ANO4: variants seen among roughly 807,000 people sequenced by gnomAD.
ANO4 encodes anoctamin 4, also known as anoctamin-4.
ANO4 carries 69 observed loss-of-function variants against 141.9 expected under a neutral mutation model. The ratio of observed to expected loss-of-function variants is 0.49; its 90% CI spans 0.40 to 0.59. The LOEUF (loss-of-function observed/expected upper bound fraction) is 0.59, where lower values mean the gene tolerates loss of function less well. ANO4 is among the 20% of genes least tolerant of loss of function. ANO4 has a pLI of 0.00. For missense variants in ANO4, 894 were observed against 1,162.2 expected, an observed-to-expected ratio of 0.77 and a Z score of 3.36; for synonymous variants, 350 against 394.3, an observed-to-expected ratio of 0.89 and a Z score of 1.33.
intron 26 of ANO4, 24 bp from the exon 27 acceptor site, chr12:101,126,855 C>T (rs376286852): frequency 6.4e-7 from 1 of 1,574,416 alleles, no homozygotes; most frequent in African/African-American, 1.8e-5. Context: ...AGACCTGACG[C>T]TGTTACATTC....
At chr12:100,960,908 T>A (rs1207881087) in intron 5 of ANO4, among the ~76,000 whole-genome samples, 1 of 152,208 alleles carries the variant, frequency 6.6e-6, no homozygotes, top group Non-Finnish European at 1.5e-5. Flanking sequence ...TGATGGTCTG[T>A]AAGAAGTGAA....
In ANO4 at chr12:100,903,802, A is replaced by G. The variant is rs566074534; in HGVS notation, c.55+1962A>G. 6.2e-4 allele frequency among the ~76,000 whole-genome samples: 94 copies of G among 152,230 alleles called. 1 individual carries two copies. Among genetic ancestry groups the G allele is most frequent in the Non-Finnish European group, 1.2e-3 (81 of 68,036 alleles). ...CTCCTTTACATAAAGTCAACTGACT[A>G]TGAACTTTAATTGCATCTACAAAAC... On this transcript the variant is annotated intron_variant, in intron 2 of 27. Coordinates refer to ENST00000392977, the MANE Select transcript of ANO4 (RefSeq NM_001286615.2).
rs1308869806 is a variant in ANO4, at chr12:100,931,071, C to A, written c.161-8244C>A. 3.9e-5 allele frequency among the ~76,000 whole-genome samples: 6 copies of A among 152,156 alleles called. No homozygotes were observed. In the South Asian group the frequency reaches 1.0e-3, roughly 26 times the overall value. ...ATTTTGAGTTTTTAAACTTAAACCTCCTTTTTTCTTATTGGTAAACCAGGC... is the reference window on the plus strand; with the variant it reads ...ATTTTGAGTTTTTAAACTTAAACCTACTTTTTTCTTATTGGTAAACCAGGC... On this transcript the variant is annotated intron_variant, in intron 3 of 27. Coordinates refer to ENST00000392977, the MANE Select transcript of ANO4 (RefSeq NM_001286615.2).
chr12:100,939,488 A>G, intron 4 of ANO4, 37 bp downstream of exon 4: 2 of 1,606,206 alleles, frequency 1.2e-6, no homozygotes, highest in Non-Finnish European at 1.7e-6. Context: ...GTAATTCGTG[A>G]TCCAGGCAGG....
intron 1 of ANO4, among the ~76,000 whole-genome samples, chr12:100,802,069 G>T (rs2034732528): frequency 6.6e-6 from 1 of 152,166 alleles, no homozygotes; most frequent in Admixed American, 6.5e-5. Context: ...GTGAAGCCGG[G>T]AAGTCTAACT....
chr12:100,781,620 G>A (rs1027791646), intron 3 of ANO4, among the ~76,000 whole-genome samples: 12 of 151,654 alleles, frequency 7.9e-5, no homozygotes, highest in African/African-American at 2.9e-4. Flanking sequence ...CTGTTTTTTG[G>A]CCACAACATT....
intron 3 of ANO4, among the ~76,000 whole-genome samples, chr12:100,928,400 T>G (rs1422406410): frequency 6.6e-6 from 1 of 152,160 alleles, no homozygotes; most frequent in African/African-American, 2.4e-5. Flanking sequence ...TTGTCTTTAT[T>G]CCTCAATCAT....
intron 11 of ANO4, among the ~76,000 whole-genome samples, chr12:101,041,179 T>C (rs188011086): frequency 6.6e-6 from 1 of 152,252 alleles, no homozygotes; most frequent in African/African-American, 2.4e-5. Flanking sequence ...TTCACTTAAA[T>C]ACCAGGGCCA....
chr12:100,912,875 G>A (rs904987941), intron 2 of ANO4, among the ~76,000 whole-genome samples: 1 of 152,192 alleles, frequency 6.6e-6, no homozygotes, highest in African/African-American at 2.4e-5. Context: ...TGAATGTGGT[G>A]CCTTTCAGAA....
chr12:101,046,506 A>C (rs2047636916), intron 13 of ANO4, among the ~76,000 whole-genome samples: 1 of 152,158 alleles, frequency 6.6e-6, no homozygotes, highest in African/African-American at 2.4e-5. Flanking sequence ...CACCACCACC[A>C]TCACACACAT....
chr12:100,946,131 A>T (rs946171211), intron 5 of ANO4, among the ~76,000 whole-genome samples: 1 of 152,204 alleles, frequency 6.6e-6, no homozygotes, highest in Non-Finnish European at 1.5e-5. Context: ...TGGTGTGTTC[A>T]TGGAACAGTG....
chr12:100,892,145 A>G (rs990670122), intron 1 of ANO4, among the ~76,000 whole-genome samples: 2 of 151,898 alleles, frequency 1.3e-5, no homozygotes, highest in African/African-American at 4.8e-5. Context: ...TTCTCTGTCA[A>G]TTTTTCCATT....
intron 14 of ANO4, among the ~76,000 whole-genome samples, chr12:101,070,993 G>T (rs1161576348): frequency 1.3e-5 from 2 of 152,126 alleles, no homozygotes; most frequent in African/African-American, 4.8e-5. Context: ...AGTTAAAATG[G>T]TTTTTATCCA....
At chr12:100,777,645 A>G (rs1160227949) in intron 3 of ANO4, among the ~76,000 whole-genome samples, 1 of 152,172 alleles carries the variant, frequency 6.6e-6, no homozygotes, top group African/African-American at 2.4e-5. Flanking sequence ...AAATATGGCA[A>G]TAAATAGTGC....
intron 3 of ANO4, among the ~76,000 whole-genome samples, chr12:100,935,099 A>G (rs1362232008): frequency 1.3e-5 from 2 of 152,116 alleles, no homozygotes; most frequent in African/African-American, 4.8e-5. Flanking sequence ...CTCCTGCCTG[A>G]TTGCCCTGGC....
At chr12:100,849,407 A>G (rs2037749527) in intron 1 of ANO4, among the ~76,000 whole-genome samples, 1 of 152,182 alleles carries the variant, frequency 6.6e-6, no homozygotes, top group Non-Finnish European at 1.5e-5. Context: ...TTCCTGCCTC[A>G]TTTCTCAGCC....
chr12:100,880,839 G>A (rs1230037536), intron 1 of ANO4, among the ~76,000 whole-genome samples: 1 of 152,112 alleles, frequency 6.6e-6, no homozygotes, highest in Admixed American at 6.6e-5. Flanking sequence ...TCTGATCTTT[G>A]AAGATATCTA....
At position 100,809,298 on chromosome 12, in the gene ANO4, A is replaced by T. The variant is rs919212667; in HGVS notation, c.-141+14271A>T. ...GCTGCTCTGGAGGCTGAGGGAGGAG[A>T]ATTGCTTGAACCCAGGAGGCTGAGA... On this transcript the variant is annotated intron_variant, in intron 1 of 27. Transcript: ENST00000392977. Among the ~76,000 whole-genome samples, 6 of 152,000 alleles carry T rather than the reference A, an allele frequency of 3.9e-5. No homozygotes were observed. In the East Asian group the frequency reaches 1.2e-3, roughly 29 times the overall value.
chr12:101,101,060 T>C (rs1593269515), intron 22 of ANO4, among the ~76,000 whole-genome samples: 1 of 152,192 alleles, frequency 6.6e-6, no homozygotes, highest in Non-Finnish European at 1.5e-5. Flanking sequence ...AACAGTAGAG[T>C]TGGGTAGTTG....
Sources: allele counts gnomAD v4.1 joint callset (sites outside exome capture counted in the v4.1 genomes callset), GRCh38; gene constraint gnomAD v4.1.1; transcripts MANE v1.5; gene names NCBI Gene and HGNC (gene_info 2026-07-23, HGNC 2026-07-21).